Variants in NF1 observed in about 807,000 individuals in gnomAD.
NF1 encodes neurofibromin 1.
Under a neutral mutation model 325.7 loss-of-function variants are expected in NF1, and 122 were observed. The ratio of observed to expected loss-of-function variants is 0.37; its 90% CI spans 0.32 to 0.44. The LOEUF is 0.44. Among genes scored for constraint, NF1 ranks in the 20% least tolerant of loss-of-function variants. NF1 has a pLI of 1.00. For synonymous variants in NF1, 1,091 were observed against 1,186.0 expected, an observed-to-expected ratio of 0.92 and a Z score of 1.65; for missense variants, 2,140 against 3,415.4, an observed-to-expected ratio of 0.63 and a Z score of 9.31.
intron 36 of NF1, among the ~76,000 whole-genome samples, chr17:31,288,606 G>T (rs1452621342): frequency 6.8e-6 from 1 of 147,216 alleles, no homozygotes; most frequent in African/African-American, 2.5e-5. Context: ...GCATGATCTC[G>T]GCTTACTGCA....
At chr17:31,331,902 AT>A (rs200131796) in intron 39 of NF1, 1 of 51,868 alleles carries the variant, frequency 1.9e-5, no homozygotes, top group Admixed American at 2.4e-4. Context: ...ACCCTTCTCT[AT>A]TAAAAAAAAA....
Position 31,336,547 on chromosome 17 carries a change from T to G in NF1, c.6147+74T>G. On this transcript the variant is annotated intron_variant, in intron 41 of 57. Transcript: ENST00000358273. The surrounding 1 kb of genome is among the most constrained non-coding windows in gnomAD (Gnocchi z 5.5). ...ATCAGGAGGTTTTTTGTTTTGTAAT[T>G]ACTTTTAAATTAAACTGAACTTTTT... is the stretch of plus-strand genomic sequence containing the variant. 1 of 1,600,434 alleles carries G rather than the reference T, an allele frequency of 6.2e-7. No individual in the cohort carries two copies. The highest frequency in any genetic ancestry group is 2.2e-5 in the East Asian group (1 of 44,600).
At chr17:31,229,609 T>C in intron 21 of NF1, 144 bp downstream of exon 21, 1 of 1,070,492 alleles carries the variant, frequency 9.3e-7, no homozygotes, top group Admixed American at 2.1e-5. Context: ...GTCATCTCAA[T>C]GTAGGGGTCA....
intron 13 of NF1, among the ~76,000 whole-genome samples, chr17:31,216,250 C>G (rs1447334691): frequency 3.3e-5 from 5 of 152,280 alleles, no homozygotes; most frequent in Admixed American, 6.5e-5. Context: ...TCACCAATGC[C>G]GTTTCTACTA....
intron 1 of NF1, among the ~76,000 whole-genome samples, chr17:31,096,352 T>C (rs1011113160): frequency 1.3e-5 from 2 of 152,118 alleles, no homozygotes; most frequent in Non-Finnish European, 2.9e-5. Flanking sequence ...AGAACTTTCA[T>C]TGAGAATATT....
chr17:31,181,801 A>ATTTTTTTTTTT lies in NF1; in HGVS notation c.730+22_730+32dup. 3 of 1,218,592 alleles carry ATTTTTTTTTTT rather than the reference A, an allele frequency of 2.5e-6. No homozygotes were observed. The highest frequency in any genetic ancestry group is 2.3e-6 in the Non-Finnish European group (2 of 853,106). 75.5% of individuals were successfully genotyped at this position (1,218,592 alleles called of 1,614,324 possible). A position where few individuals can be genotyped will look rare whatever the true frequency, so the allele number is the denominator to read the frequency against. On this transcript the variant is annotated intron_variant, in intron 7 of 57. Coordinates refer to ENST00000358273, the MANE Select transcript of NF1 (RefSeq NM_001042492.3). ...GATATGGCTGGTAAGGATACGATTG[A>ATTTTTTTTTTT]TTTTTTTTTTTTTTTTGTCTTTTAA... is the stretch of plus-strand genomic sequence containing the variant.
chr17:31,199,270 T>G (rs1383693775), intron 8 of NF1, among the ~76,000 whole-genome samples: 1 of 152,234 alleles, frequency 6.6e-6, no homozygotes, highest in African/African-American at 2.4e-5. Flanking sequence ...AGTTTTAGTA[T>G]GTTGTGTTTT....
chr17:31,228,241 G>T (rs1222197029), intron 20 of NF1, among the ~76,000 whole-genome samples: 3 of 152,152 alleles, frequency 2.0e-5, no homozygotes, highest in African/African-American at 7.2e-5. Flanking sequence ...TAGTGTTTGT[G>T]TGTATTTGAT....
chr17:31,370,725 G>A (rs1192177815), intron 57 of NF1, among the ~76,000 whole-genome samples: 4 of 152,144 alleles, frequency 2.6e-5, no homozygotes, highest in African/African-American at 7.2e-5. Flanking sequence ...CCATGGTCTA[G>A]TAGTAGCAAG....
chr17:31,357,571 A>T (rs531657510), intron 54 of NF1: 8 of 598,382 alleles, frequency 1.3e-5, no homozygotes, highest in East Asian at 8.4e-5. Flanking sequence ...AAAGACTTTT[A>T]AAAAATCTGG....
chr17:31,289,937 A>G (rs1162479994), intron 36 of NF1, among the ~76,000 whole-genome samples: 1 of 151,976 alleles, frequency 6.6e-6, no homozygotes, highest in South Asian at 2.1e-4. Flanking sequence ...TGCTATTTTA[A>G]TAGTGAAAAA....
chr17:31,243,760 A>G (rs547333815), intron 29 of NF1, among the ~76,000 whole-genome samples: 118 of 151,992 alleles, frequency 7.8e-4, no homozygotes, highest in African/African-American at 2.6e-3. Flanking sequence ...TCCAGGAGCC[A>G]AGGCCTGGAA....
At chr17:31,246,573 G>A (rs1211618852) in intron 29 of NF1, among the ~76,000 whole-genome samples, 1 of 152,152 alleles carries the variant, frequency 6.6e-6, no homozygotes, top group African/African-American at 2.4e-5. Flanking sequence ...CTTCCTTCAA[G>A]GAGCTTACAG....
chr17:31,258,563 T>C (rs1330029399), intron 32 of NF1, 61 bp downstream of exon 32: 104 of 1,518,736 alleles, frequency 6.8e-5, no homozygotes, highest in Non-Finnish European at 9.0e-5. Context: ...TTTCAGCTTT[T>C]CTTACAGTAC....
chr17:31,318,707 T>C lies in NF1; in HGVS notation c.4836-7113T>C, dbSNP rs545291486. 3.2e-5 allele frequency: 52 copies of C among 1,614,176 alleles called. No homozygotes were observed. In the South Asian group the frequency reaches 5.7e-4, roughly 18 times the overall value. ...TCAATGCTCTGTACTGTTGAAGGAC[T>C]GTTGCTGACGACAGAAGGTATATAA... is the stretch of plus-strand genomic sequence containing the variant. On this transcript the variant is annotated intron_variant, in intron 36 of 57. Coordinates refer to ENST00000358273, the MANE Select transcript of NF1 (RefSeq NM_001042492.3).
intron 1 of NF1, among the ~76,000 whole-genome samples, chr17:31,095,620 G>C (rs1911610494): frequency 6.6e-6 from 1 of 152,156 alleles, no homozygotes; most frequent in South Asian, 2.1e-4. Flanking sequence ...TCCCTGACCA[G>C]CCTCCGACCC....
chr17:31,278,407 G>GTTT (rs376109355), intron 36 of NF1, among the ~76,000 whole-genome samples: 9 of 109,554 alleles, frequency 8.2e-5, no homozygotes, highest in Admixed American at 2.9e-4. Context: ...GATTTTTTGG[G>GTTT]TTTTTTTTTT....
chr17:31,195,230 CTT>C (rs901320037), intron 8 of NF1, among the ~76,000 whole-genome samples: 1 of 152,098 alleles, frequency 6.6e-6, no homozygotes, highest in Non-Finnish European at 1.5e-5. Context: ...TCAGTTTATA[CTT>C]TTTTTCCTAA....
At chr17:31,318,697 G>A in intron 36 of NF1, 1 of 1,614,104 alleles carries the variant, frequency 6.2e-7, no homozygotes, top group Non-Finnish European at 8.5e-7. Flanking sequence ...GCTCTGTACT[G>A]TTGAAGGACT....
Sources: gnomAD v4.1 joint callset for allele counts (sites outside exome capture counted in the v4.1 genomes callset) on GRCh38, gnomAD v4.1.1 for gene constraint, Gnocchi (gnomAD v3.1) non-coding constraint, MANE v1.5 for transcripts, NCBI Gene and HGNC (gene_info 2026-07-23, HGNC 2026-07-21) for gene names.